The following TRPM7 variants were observed in gnomAD, a reference collection of about 807,000 sequenced individuals.
TRPM7 encodes LTRPC ion channel family member 7.
In TRPM7, 134 loss-of-function variants were observed where a neutral mutation model predicts 229.7. The observed-to-expected ratio is 0.58, with a 90% CI of 0.51 to 0.67. TRPM7 has a LOEUF of 0.67. Among genes scored for constraint, TRPM7 ranks in the 30% least tolerant of loss-of-function variants. The pLI, the probability that TRPM7 is intolerant of heterozygous loss-of-function variation, is 0.00. For synonymous variants in TRPM7, 699 were observed against 715.2 expected (o/e 0.98, Z 0.36); for missense variants, 1,901 against 2,210.0 (o/e 0.86, Z 2.80).
At chr15:50,597,083 A>G (rs181340579) in intron 22 of TRPM7, among the ~76,000 whole-genome samples, 5 of 152,360 alleles carry the variant, frequency 3.3e-5, no homozygotes, top group Admixed American at 2.6e-4. Context: ...CATTTAATAA[A>G]GAATATTGAG....
intron 36 of TRPM7, among the ~76,000 whole-genome samples, chr15:50,570,758 G>C (rs1253445583): frequency 6.6e-6 from 1 of 150,704 alleles, no homozygotes; most frequent in African/African-American, 2.4e-5. Context: ...GGGAGGCTGA[G>C]ACGGGAGAAT....
In TRPM7 at chr15:50,581,018, AAACT is replaced by A. The variant is rs1276733940; in HGVS notation, c.4558-114_4558-111del. On this transcript the variant is annotated intron_variant, in intron 29 of 38. Coordinates refer to ENST00000646667, the MANE Select transcript of TRPM7 (RefSeq NM_017672.6). ...TATATTTTAAGAATGAAAGGCCAAAAAACTAACATACAGTTCTTGTTTCATAAAA... is the reference window on the plus strand; with the variant it reads ...TATATTTTAAGAATGAAAGGCCAAAAAACATACAGTTCTTGTTTCATAAAA... 16 of 938,946 alleles carry A rather than the reference AAACT, an allele frequency of 1.7e-5. 1 individual carries two copies. The highest frequency in any genetic ancestry group is 7.4e-5 in the East Asian group (3 of 40,380). 58.2% of individuals were successfully genotyped at this position (938,946 alleles called of 1,614,324 possible).
chr15:50,563,042 T>C (rs529160196), intron 38 of TRPM7, among the ~76,000 whole-genome samples: 20 of 152,284 alleles, frequency 1.3e-4, no homozygotes, highest in Non-Finnish European at 2.5e-4. Context: ...GGCTTCTACA[T>C]AGTGAATGAG....
chr15:50,599,344 T>G, intron 21 of TRPM7, 48 bp from the exon 22 acceptor site: 1 of 1,374,750 alleles, frequency 7.3e-7, no homozygotes, highest in Non-Finnish European at 9.9e-7. Context: ...TTAAACACTA[T>G]GACAAATCTT....
At chr15:50,642,349 T>G (rs1159107921) in intron 5 of TRPM7, among the ~76,000 whole-genome samples, 1 of 152,230 alleles carries the variant, frequency 6.6e-6, no homozygotes, top group Admixed American at 6.5e-5. Context: ...CCTCTGCTGT[T>G]ACAGCACAAA....
chr15:50,585,954 A>C (rs1230151137), intron 28 of TRPM7, among the ~76,000 whole-genome samples: 1 of 152,188 alleles, frequency 6.6e-6, no homozygotes, highest in African/African-American at 2.4e-5. Context: ...TGAAACTCTA[A>C]AGGGTAGACA....
chr15:50,648,633 T>A, intron 4 of TRPM7, 54 bp downstream of exon 4: 1 of 1,476,820 alleles, frequency 6.8e-7, no homozygotes, highest in Admixed American at 2.1e-5. Context: ...CAAATTGTGA[T>A]GTTTATTATT....
At chr15:50,686,479 C>T (rs1232372363) in intron 1 of TRPM7, 52 bp downstream of exon 1, 9 of 1,614,140 alleles carry the variant, frequency 5.6e-6, no homozygotes, top group South Asian at 4.4e-5. Context: ...CTCTCCTTTA[C>T]CGCCCGCAAC....
At chr15:50,642,509 G>C (rs1484979048) in intron 5 of TRPM7, among the ~76,000 whole-genome samples, 1 of 152,194 alleles carries the variant, frequency 6.6e-6, no homozygotes, top group Non-Finnish European at 1.5e-5. Flanking sequence ...CCCCAATGCT[G>C]TTCTGGTGAT....
At chr15:50,676,728 G>C (rs2062101403) in intron 1 of TRPM7, among the ~76,000 whole-genome samples, 1 of 152,036 alleles carries the variant, frequency 6.6e-6, no homozygotes, top group African/African-American at 2.4e-5. Flanking sequence ...CCTATGCCTA[G>C]TGAACAGCAA....
intron 36 of TRPM7, among the ~76,000 whole-genome samples, chr15:50,570,882 A>C (rs1566937261): frequency 6.6e-6 from 1 of 151,788 alleles, no homozygotes; most frequent in African/African-American, 2.4e-5. Context: ...AAAACAAAAA[A>C]CAAGTGTTTG....
intron 21 of TRPM7, among the ~76,000 whole-genome samples, chr15:50,600,607 T>C (rs532027516): frequency 6.6e-6 from 1 of 152,280 alleles, no homozygotes; most frequent in Admixed American, 6.5e-5. Context: ...CTTAAAATAA[T>C]TGTAATGACA....
At chr15:50,667,336 G>A (rs1760656508) in intron 1 of TRPM7, among the ~76,000 whole-genome samples, 1 of 152,146 alleles carries the variant, frequency 6.6e-6, no homozygotes, top group Non-Finnish European at 1.5e-5. Context: ...CCTTACAACT[G>A]ATGGATCTCC....
At chr15:50,644,449 G>A (rs936945984) in intron 4 of TRPM7, among the ~76,000 whole-genome samples, 2 of 152,134 alleles carry the variant, frequency 1.3e-5, no homozygotes, top group Non-Finnish European at 1.5e-5. Context: ...GCAAAATGAT[G>A]TATTTCCCAT....
intron 13 of TRPM7, among the ~76,000 whole-genome samples, chr15:50,614,947 A>C (rs2060177935): frequency 2.0e-5 from 3 of 152,038 alleles, no homozygotes; most frequent in African/African-American, 7.2e-5. Flanking sequence ...AGGCAGGCAG[A>C]TCACCTGAGG....
Position 50,561,621 on chromosome 15 carries a change from G to T in TRPM7, c.*57C>A. The T allele has an allele frequency of 6.3e-7, 1 of 1,584,070 alleles. No homozygotes were observed. The highest frequency in any genetic ancestry group is 8.6e-7 in the Non-Finnish European group (1 of 1,167,250). ...AACAATTTCCTCCCGAGGGAAAAGT[G>T]ACACAGTAACATTTCTGTGAGGTGC... On this transcript the variant is annotated 3_prime_UTR_variant, in exon 39 of 39. Transcript: ENST00000646667.
chr15:50,603,949 C>T (rs572958172), intron 21 of TRPM7: 2 of 152,210 alleles, frequency 1.3e-5, no homozygotes, highest in African/African-American at 2.4e-5. Flanking sequence ...GAAGGATGTA[C>T]GTTAAACTGT....
intron 28 of TRPM7, among the ~76,000 whole-genome samples, chr15:50,584,036 A>C (rs1363171801): frequency 6.6e-6 from 1 of 152,214 alleles, no homozygotes; most frequent in African/African-American, 2.4e-5. Context: ...CGCAATGAAT[A>C]ATCCTTTTCC....
At chr15:50,658,463 G>C (rs1470262399) in intron 2 of TRPM7, among the ~76,000 whole-genome samples, 1 of 151,878 alleles carries the variant, frequency 6.6e-6, no homozygotes, top group Non-Finnish European at 1.5e-5. Flanking sequence ...CTAGCTACTA[G>C]GGAGGCTGAG....
Sources: gnomAD v4.1 joint callset for allele counts (sites outside exome capture counted in the v4.1 genomes callset) on GRCh38, gnomAD v4.1.1 for gene constraint, MANE v1.5 for transcripts, NCBI Gene and HGNC (gene_info 2026-07-23, HGNC 2026-07-21) for gene names.